The following USP42 variants were observed in gnomAD, a reference collection of about 807,000 sequenced individuals.
The protein encoded by USP42 is ubiquitin carboxyl-terminal hydrolase 42.
In USP42, 23 loss-of-function variants were observed where a neutral mutation model predicts 113.0. The observed-to-expected ratio is 0.20, with a 90% CI of 0.15 to 0.29. The LOEUF (loss-of-function observed/expected upper bound fraction) is 0.29. Ranked by LOEUF, USP42 falls within the 10% of genes least tolerant of loss-of-function variation. The pLI is 1.00. For missense variants in USP42, 2,174 were observed against 1,779.8 expected (o/e 1.22, Z -3.99); for synonymous variants, 933 against 699.0 (o/e 1.33, Z -5.28).
In USP42 at chr7:6,145,544, T is replaced by C. The variant is rs955533748; in HGVS notation, c.1019T>C (p.Ile340Thr). 1.2e-6 allele frequency: 2 copies of C among 1,613,910 alleles called. No individual in the cohort carries two copies. The highest frequency in any genetic ancestry group is 1.7e-6 in the Non-Finnish European group (2 of 1,179,900). ...KDVKYPEYLDIRPYMSQPNGE... is the reference protein window; with the variant it reads ...KDVKYPEYLDTRPYMSQPNGE... ...GTGAAATACCCTGAGTATCTTGATA[T>C]TCGGCCATATATGTCTCAACCCAAC... The change falls in exon 10 of 18, where the codon ATT (isoleucine) becomes ACT (threonine). Residue 340 changes from isoleucine to threonine, a missense_variant. Ile to Thr is a moderately conservative substitution (Grantham distance 89). Transcript: ENST00000306177.
chr7:6,142,897 C>T (rs776321704), intron 7 of USP42, 35 bp from the exon 8 acceptor site: 22 of 1,602,364 alleles, frequency 1.4e-5, no homozygotes, highest in African/African-American at 4.0e-5. Flanking sequence ...TGACGGTGTG[C>T]GGTGATGTGG....
intron 3 of USP42, among the ~76,000 whole-genome samples, chr7:6,127,206 T>A (rs1780589622): frequency 6.6e-6 from 1 of 152,226 alleles, no homozygotes; most frequent in African/African-American, 2.4e-5. Flanking sequence ...GTTTTGAGGA[T>A]ATGTGGTTTC....
At position 6,147,066 on chromosome 7, in the gene USP42, T is replaced by C. The variant is rs187307525; in HGVS notation, c.1233-673T>C. Among the ~76,000 whole-genome samples the C allele has an allele frequency of 3.9e-4, 59 of 152,342 alleles. 1 individual carries two copies. The highest frequency in any genetic ancestry group is 1.0e-4 in the Non-Finnish European group (7 of 68,030). ...GTTTGATAGCTGAAAATCAAGAATA[T>C]TCTCAAATGTCCAACTGGCAGAATG... On this transcript the variant is annotated intron_variant, in intron 11 of 17. Coordinates refer to ENST00000306177, the MANE Select transcript of USP42 (RefSeq NM_032172.3).
the USP42 span, among the ~76,000 whole-genome samples, chr7:6,095,077 C>T: frequency 6.6e-6 from 1 of 151,268 alleles, no homozygotes; most frequent in African/African-American, 2.5e-5. Flanking sequence ...TGTGAGCCAC[C>T]GTGCCCAGCC....
chr7:6,131,422 C>T (rs922085015), intron 3 of USP42, among the ~76,000 whole-genome samples: 20 of 151,980 alleles, frequency 1.3e-4, no homozygotes, highest in African/African-American at 2.2e-4. Flanking sequence ...TGCAGTGAGC[C>T]GTGATCCCGC....
At position 6,150,133 on chromosome 7, in the gene USP42, C is replaced by T; in HGVS notation, c.1937C>T (p.Ala646Val). The T allele has an allele frequency of 4.3e-6, 7 of 1,613,232 alleles. No homozygotes were observed. Among genetic ancestry groups the T allele is most frequent in the Non-Finnish European group, 5.9e-6 (7 of 1,179,520 alleles). The change falls in exon 13 of 18, where the codon GCC becomes GTC. Residue 646 changes from alanine (A) to valine (V), a missense_variant. Transcript: ENST00000306177. The part of the protein sequence containing the change: ...SPGQDAEDEE[A>V]TPHELQEPMT... ...GGCCAAGATGCCGAAGATGAGGAGG[C>T]CACTCCGCACGAGCTTCAAGAACCC...
intron 2 of USP42, among the ~76,000 whole-genome samples, chr7:6,114,240 T>C (rs907998881): frequency 5.9e-5 from 9 of 152,220 alleles, no homozygotes; most frequent in East Asian, 1.9e-4. Flanking sequence ...CTACATGAGA[T>C]GGTAAGGACG....
chr7:6,081,843 C>T, the USP42 span: 3 of 152,162 alleles, frequency 2.0e-5, no homozygotes, highest in Non-Finnish European at 1.5e-5. Flanking sequence ...TTCTCCCCTC[C>T]TGAGAGTTTA....
chr7:6,109,618 TC>T (rs756679815), intron 1 of USP42, among the ~76,000 whole-genome samples: 1 of 151,694 alleles, frequency 6.6e-6, no homozygotes, highest in East Asian at 2.0e-4. Context: ...GGTCTCGAAC[TC>T]CTGGACTCAA....
chr7:6,108,148 T>G (rs1394208335), intron 1 of USP42, among the ~76,000 whole-genome samples: 1 of 152,098 alleles, frequency 6.6e-6, no homozygotes, highest in African/African-American at 2.4e-5. Context: ...GACAGCGCCA[T>G]TGCATTCCAG....
the USP42 span, among the ~76,000 whole-genome samples, chr7:6,089,301 A>G: frequency 6.7e-6 from 1 of 148,526 alleles, no homozygotes; most frequent in Non-Finnish European, 1.5e-5. Flanking sequence ...TGATACACCC[A>G]CCTTGGCCTC....
chr7:6,084,963 C>A, the USP42 span, among the ~76,000 whole-genome samples: 2 of 150,974 alleles, frequency 1.3e-5, no homozygotes, highest in African/African-American at 2.5e-5. Context: ...AGGTGATTCA[C>A]ACACCTCGGC....
rs2128523459 is a variant in USP42 at position 6,155,147 on chromosome 7, C to T, written c.3593C>T (p.Ser1198Leu). ...CCTAAAGCAAAGAAGCACAAAAAAT[C>T]AAAGAAGAAAAAGAAATCCAAAGAC... is the stretch of plus-strand genomic sequence containing the variant. Reference protein sequence around the residue: ...EEPKAKKHKKSKKKKKSKDKH... With the variant: ...EEPKAKKHKKLKKKKKSKDKH... The change falls in exon 15 of 18, where the codon TCA (serine) becomes TTA (leucine). Residue 1198 changes from serine to leucine, a missense_variant. Ser to Leu is a moderately radical substitution (Grantham distance 145). Transcript: ENST00000306177. 6.5e-7 allele frequency: 1 copy of T among 1,547,648 alleles called. No individual in the cohort carries two copies. Among genetic ancestry groups the T allele is most frequent in the Middle Eastern group, 1.7e-4 (1 of 5,966 alleles).
At chr7:6,136,550 T>C (rs968952866) in intron 4 of USP42, among the ~76,000 whole-genome samples, 6 of 152,220 alleles carry the variant, frequency 3.9e-5, no homozygotes, top group African/African-American at 1.4e-4. Context: ...GTAAGTTTTA[T>C]AGTGTCTTTG....
intron 4 of USP42, among the ~76,000 whole-genome samples, chr7:6,137,765 C>T (rs1312548915): frequency 2.0e-5 from 3 of 152,168 alleles, no homozygotes; most frequent in Non-Finnish European, 2.9e-5. Flanking sequence ...CTGCAACCTC[C>T]GCCTCTCGGA....
chr7:6,125,871 A>G (rs1780516110), intron 3 of USP42, among the ~76,000 whole-genome samples: 1 of 151,510 alleles, frequency 6.6e-6, no homozygotes, highest in African/African-American at 2.4e-5. Flanking sequence ...AAAAAACTCA[A>G]CTTTTTATTT....
chr7:6,132,874 G>T (rs367675308), intron 3 of USP42, among the ~76,000 whole-genome samples: 2 of 152,024 alleles, frequency 1.3e-5, no homozygotes, highest in Non-Finnish European at 2.9e-5. Context: ...GGGTTTCACC[G>T]TGTTAGCCAG....
Position 6,150,452 on chromosome 7 carries a change from TCTTAGAGAC to T in USP42, c.2151_2159del (p.Leu717_Thr719del). 1 of 1,613,914 alleles carries T rather than the reference TCTTAGAGAC, an allele frequency of 6.2e-7. No individual in the cohort carries two copies. Among genetic ancestry groups the T allele is most frequent in the Non-Finnish European group, 8.5e-7 (1 of 1,179,880 alleles). On this transcript the variant is annotated inframe_deletion, in exon 14 of 18. Coordinates refer to ENST00000306177, the MANE Select transcript of USP42 (RefSeq NM_032172.3). ...TTGCTGTCTCTCCCAGAAGACAAAA[TCTTAGAGAC>T]CTTCAGGCTTAGCAACAAACTGAAA...
intron 3 of USP42, among the ~76,000 whole-genome samples, chr7:6,125,647 T>G (rs1304893662): frequency 6.6e-6 from 1 of 152,214 alleles, no homozygotes; most frequent in African/African-American, 2.4e-5. Flanking sequence ...TTTAGATAGT[T>G]TAAAGCTTTT....
Sources: gnomAD v4.1 joint callset for allele counts (sites outside exome capture counted in the v4.1 genomes callset) on GRCh38, gnomAD v4.1.1 for gene constraint, MANE v1.5 for transcripts, NCBI Gene and HGNC (gene_info 2026-07-23, HGNC 2026-07-21) for gene names.